The following RSPH10B variants were observed in gnomAD, a reference collection of about 807,000 sequenced individuals.
RSPH10B encodes the protein radial spoke head 10 homolog B.
Under a neutral mutation model 52.5 loss-of-function variants are expected in RSPH10B, and 7 were observed. That is an observed-to-expected ratio of 0.13 (90% CI 0.08 to 0.25). RSPH10B has a LOEUF of 0.25. RSPH10B is among the 10% of genes least tolerant of loss of function. RSPH10B has a pLI of 1.00. For missense variants in RSPH10B, 89 were observed against 542.5 expected (o/e 0.16, Z 8.30); for synonymous variants, 28 against 193.2 (o/e 0.14, Z 7.09).
At chr7:5,954,987 C>CAAAAAAA (rs1780696380) in intron 7 of RSPH10B, among the ~76,000 whole-genome samples, 1 of 15,780 alleles carries the variant, frequency 6.3e-5, no homozygotes, top group Non-Finnish European at 1.1e-4. Context: ...CCTGTAACTA[C>CAAAAAAA]TAAAAAAAAA....
chr7:5,943,629 C>T (rs1299928479), intron 12 of RSPH10B, among the ~76,000 whole-genome samples, 157 bp from the exon 15 acceptor site: 130 of 147,050 alleles, frequency 8.8e-4, no homozygotes, highest in African/African-American at 2.0e-3. Flanking sequence ...CTGCAACCTC[C>T]GCCCCCCAGG....
upstream of RSPH10B, among the ~76,000 whole-genome samples, chr7:5,968,610 C>T (rs1400106070): frequency 2.9e-5 from 2 of 69,920 alleles, no homozygotes; most frequent in Non-Finnish European, 6.3e-5. Context: ...GGGTTCATGC[C>T]ATTCTCCTGC....
intron 6 of RSPH10B, among the ~76,000 whole-genome samples, chr7:5,956,612 C>A (rs1780735227): frequency 6.7e-6 from 1 of 148,978 alleles, no homozygotes. Context: ...CACTCTGTTA[C>A]CCAGGCTAGA....
intron 13 of RSPH10B, among the ~76,000 whole-genome samples, chr7:5,942,725 G>C (rs1195238399): frequency 6.6e-6 from 1 of 150,670 alleles, no homozygotes; most frequent in Non-Finnish European, 1.5e-5. Context: ...AGCCAGGTGT[G>C]GTGGCGGGCA....
exon 13 of RSPH10B, chr7:5,943,355 A>T (rs749948774): frequency 1.3e-6 from 2 of 1,588,742 alleles, no homozygotes; most frequent in African/African-American, 1.4e-5. Flanking sequence ...TCTCATCTTC[A>T]TCGTAGGCTC....
At chr7:5,933,208 G>A (rs1779861476) in intron 16 of RSPH10B, among the ~76,000 whole-genome samples, 1 of 83,354 alleles carries the variant, frequency 1.2e-5, no homozygotes, top group African/African-American at 4.4e-5. Context: ...AGTAGAGATG[G>A]GGTTTCACCA....
At chr7:5,947,519 G>A (rs562445680) in intron 10 of RSPH10B, among the ~76,000 whole-genome samples, 1,586 of 57,626 alleles carry the variant, frequency 0.028, 157 homozygotes, top group Non-Finnish European at 0.038. Context: ...TTCGAGACAC[G>A]CCTAACCAAC....
intron 17 of RSPH10B, 105 bp from the exon 20 acceptor site, chr7:5,928,499 C>A: frequency 1.3e-6 from 2 of 1,535,988 alleles, no homozygotes; most frequent in South Asian, 2.2e-5. Context: ...GCCCCCTTCT[C>A]CTCGGCCAGG....
chr7:5,933,015 C>CTTT (rs71223185), intron 16 of RSPH10B, 140 bp from the exon 19 acceptor site: 976 of 27,062 alleles, frequency 0.036, 3 homozygotes, highest in South Asian at 0.072. Context: ...TTTAATTTGA[C>CTTT]TTTTTTTTTT....
intron 13 of RSPH10B, 111 bp downstream of exon 15, chr7:5,943,213 C>A (rs1780299653): frequency 6.5e-7 from 1 of 1,549,720 alleles, no homozygotes; most frequent in Admixed American, 2.0e-5. Context: ...GAAAATCCAG[C>A]CCAGATCTTC....
In RSPH10B at chr7:5,928,423, T is replaced by TGGA. The variant is rs766594020; in HGVS notation, c.2234-30_2234-29insTCC. 5.8e-5 allele frequency: 92 copies of TGGA among 1,598,040 alleles called. No individual in the cohort carries two copies. In the African/African-American group the frequency reaches 9.1e-4, roughly 16 times the overall value. ...GAATAGAGTTTCATGAAGCTGAACA[T>TGGA]GAATACAATCCTGCTGTCAATTGGG... On this transcript the variant is annotated intron_variant, in intron 17 of 18. Transcript: ENST00000337579.
intron 3 of RSPH10B, 146 bp from the exon 6 acceptor site, chr7:5,961,010 A>ACT (rs1425723843): frequency 8.3e-6 from 2 of 240,344 alleles, no homozygotes; most frequent in Non-Finnish European, 1.4e-5. Context: ...TCCCCCTCAC[A>ACT]CTCTCTCTCT....
At chr7:5,927,033 G>GTAT (rs1423274213) in intron 18 of RSPH10B, among the ~76,000 whole-genome samples, 1 of 45,536 alleles carries the variant, frequency 2.2e-5, no homozygotes, top group African/African-American at 9.4e-5. Flanking sequence ...GTGTGTGTGT[G>GTAT]TGTGTGTGTG....
intron 6 of RSPH10B, among the ~76,000 whole-genome samples, chr7:5,956,596 G>C (rs1345195602): frequency 6.8e-6 from 1 of 146,468 alleles, no homozygotes; most frequent in Non-Finnish European, 1.5e-5. Context: ...TTTTGAGAAA[G>C]GGTCTCACTC....
At chr7:5,958,804 C>G (rs1475237844) in intron 5 of RSPH10B, among the ~76,000 whole-genome samples, 189 bp downstream of exon 7, 2 of 140,712 alleles carry the variant, frequency 1.4e-5, no homozygotes, top group Non-Finnish European at 3.2e-5. Flanking sequence ...TGAGATGGCA[C>G]CACTGCACTC....
chr7:5,944,359 C>T (rs1780379463), intron 11 of RSPH10B, among the ~76,000 whole-genome samples: 1 of 150,682 alleles, frequency 6.6e-6, no homozygotes, highest in Admixed American at 6.7e-5. Flanking sequence ...GATCGCGCCA[C>T]TGCACTCCAG....
At chr7:5,945,618 C>CAA (rs1448600462) in intron 10 of RSPH10B, among the ~76,000 whole-genome samples, 10 of 27,748 alleles carry the variant, frequency 3.6e-4, no homozygotes, top group East Asian at 8.5e-4. Context: ...GACTTCATCT[C>CAA]AAAAAAAAAA....
At chr7:5,965,962 T>G (rs1781092803) in intron 1 of RSPH10B, among the ~76,000 whole-genome samples, 1 of 109,936 alleles carries the variant, frequency 9.1e-6, no homozygotes, top group Non-Finnish European at 1.9e-5. Context: ...AGTCTCACTC[T>G]GTCGCCCGGG....
At chr7:5,927,050 ATGTGTGTGTGTGTGTGTATATGTG>A (rs1421115944) in intron 18 of RSPH10B, among the ~76,000 whole-genome samples, 1 of 56,136 alleles carries the variant, frequency 1.8e-5, no homozygotes, top group Non-Finnish European at 4.8e-5. Flanking sequence ...TGTGTGTATT[ATGTGTGTGTGTGTGTGTATATGTG>A]TGTGTGTGTG....
Sources: gnomAD v4.1 joint callset for allele counts (sites outside exome capture counted in the v4.1 genomes callset) on GRCh38, gnomAD v4.1.1 for gene constraint, MANE v1.5 for transcripts, NCBI Gene and HGNC (gene_info 2026-07-23, HGNC 2026-07-21) for gene names.